Variants in POU6F2 observed in about 807,000 individuals in gnomAD.
The protein encoded by POU6F2 is POU class 6 homeobox 2.
Under a neutral mutation model 71.3 loss-of-function variants are expected in POU6F2, and 31 were observed. That is an observed-to-expected ratio of 0.43 (90% CI 0.33 to 0.59). The LOEUF (loss-of-function observed/expected upper bound fraction) is 0.59. Among genes scored for constraint, POU6F2 ranks in the 20% least tolerant of loss-of-function variants. POU6F2 has a pLI of 0.04. For synonymous variants in POU6F2, 347 were observed against 355.7 expected (o/e 0.98, Z 0.27); for missense variants, 783 against 856.8 (o/e 0.91, Z 1.07).
rs1788117330 is a variant in POU6F2 at position 39,432,178 on chromosome 7, T to A, written c.1114-899T>A. On this transcript the variant is annotated intron_variant, in intron 6 of 9. Coordinates refer to ENST00000518318, the MANE Select transcript of POU6F2 (RefSeq NM_001370959.1). ...GGTGCCTTTCTCCTTGGCACAGTAA[T>A]TGGATCTGGCCAGGCCCCTCCTGTG... Among the ~76,000 whole-genome samples the A allele has an allele frequency of 2.0e-5, 3 of 152,136 alleles. No individual in the cohort carries two copies. In the South Asian group the frequency reaches 6.2e-4, roughly 32 times the overall value.
At chr7:39,290,602 A>C (rs761674142) in intron 4 of POU6F2, among the ~76,000 whole-genome samples, 1 of 152,214 alleles carries the variant, frequency 6.6e-6, no homozygotes, top group Non-Finnish European at 1.5e-5. Context: ...GTAAATTTAA[A>C]TTAACTGAGA....
intron 1 of POU6F2, among the ~76,000 whole-genome samples, chr7:39,023,847 G>T (rs1789735409): frequency 6.6e-6 from 1 of 152,026 alleles, no homozygotes; most frequent in African/African-American, 2.4e-5. Flanking sequence ...AGAAACTGAA[G>T]CCAGAAAGGA....
chr7:39,436,575 CA>C (rs1788249162), intron 7 of POU6F2, among the ~76,000 whole-genome samples: 1 of 152,098 alleles, frequency 6.6e-6, no homozygotes, highest in African/African-American at 2.4e-5. Flanking sequence ...CAAGCAGAGA[CA>C]ATTTGACTTC....
chr7:39,129,616 A>AATAGATAT (rs946668418), intron 2 of POU6F2, among the ~76,000 whole-genome samples: 5 of 136,852 alleles, frequency 3.7e-5, no homozygotes, highest in Non-Finnish European at 6.3e-5. Context: ...GCTGAGAGAC[A>AATAGATAT]ATAGATATAT....
chr7:39,206,387 T>C (rs1794012496), intron 3 of POU6F2, among the ~76,000 whole-genome samples: 1 of 152,216 alleles, frequency 6.6e-6, no homozygotes, highest in South Asian at 2.1e-4. Flanking sequence ...GTTCCATCCA[T>C]AGTGGATGTA....
At chr7:39,207,812 G>GT (rs960489261) in intron 4 of POU6F2, among the ~76,000 whole-genome samples, 192 bp downstream of exon 4, 1 of 152,170 alleles carries the variant, frequency 6.6e-6, no homozygotes, top group African/African-American at 2.4e-5. Context: ...CAAGCCATTG[G>GT]TTTTATCAAT....
At chr7:39,342,067 A>T (rs535735685) in intron 5 of POU6F2, among the ~76,000 whole-genome samples, 6 of 152,348 alleles carry the variant, frequency 3.9e-5, no homozygotes, top group African/African-American at 1.2e-4. Flanking sequence ...TAAACTTAAT[A>T]AATATGTTTA....
chr7:39,454,655 GATATATATATATATATATATATAT>G (rs70977474), intron 8 of POU6F2, among the ~76,000 whole-genome samples: 909 of 63,266 alleles, frequency 0.014, 90 homozygotes, highest in East Asian at 0.024. Flanking sequence ...GAAGACCAGG[GATATATATATATATATATATATAT>G]ATATATATAT....
chr7:39,189,052 T>G (rs1389168405), intron 2 of POU6F2, among the ~76,000 whole-genome samples: 2 of 152,238 alleles, frequency 1.3e-5, no homozygotes, highest in African/African-American at 4.8e-5. Flanking sequence ...AAATGAACCT[T>G]GTACTCTTTA....
intron 5 of POU6F2, among the ~76,000 whole-genome samples, chr7:39,369,610 C>T (rs1023063095): frequency 6.6e-6 from 1 of 152,090 alleles, no homozygotes; most frequent in African/African-American, 2.4e-5. Flanking sequence ...GGGATCTGCC[C>T]TCCTTGGCCT....
intron 8 of POU6F2, among the ~76,000 whole-genome samples, chr7:39,458,943 C>T (rs1293602993): frequency 6.6e-5 from 10 of 152,140 alleles, no homozygotes; most frequent in Admixed American, 6.5e-4. Flanking sequence ...ATCCTCCCTC[C>T]TCTCCACTCT....
intron 7 of POU6F2, among the ~76,000 whole-genome samples, chr7:39,449,219 G>A (rs1583613216): frequency 6.6e-6 from 1 of 152,302 alleles, no homozygotes; most frequent in African/African-American, 2.4e-5. Context: ...CTCATGTTCA[G>A]CAGCCACATA....
intron 1 of POU6F2, 68 bp from the exon 2 acceptor site, chr7:39,085,792 A>G: frequency 6.8e-7 from 1 of 1,477,472 alleles, no homozygotes; most frequent in East Asian, 2.4e-5. Context: ...GGAGAGGGAG[A>G]GAGAGGACAC....
At chr7:39,090,090 G>A (rs1791334387) in intron 2 of POU6F2, among the ~76,000 whole-genome samples, 1 of 151,886 alleles carries the variant, frequency 6.6e-6, no homozygotes, top group South Asian at 2.1e-4. Context: ...TTCTGATATT[G>A]TGCTTTCCTA....
chr7:39,109,578 G>T (rs558377787), intron 2 of POU6F2, among the ~76,000 whole-genome samples: 99 of 152,226 alleles, frequency 6.5e-4, no homozygotes, highest in African/African-American at 2.1e-3. Context: ...TCTTAAGTTA[G>T]TCCTGGTGTA....
chr7:39,439,798 T>C (rs1788347561), intron 7 of POU6F2, among the ~76,000 whole-genome samples: 1 of 152,166 alleles, frequency 6.6e-6, no homozygotes, highest in Admixed American at 6.5e-5. Context: ...CTTTTTGGTG[T>C]GTTTTTGCAG....
At chr7:39,213,427 T>C (rs1197252713) in intron 4 of POU6F2, among the ~76,000 whole-genome samples, 1 of 152,220 alleles carries the variant, frequency 6.6e-6, no homozygotes, top group Non-Finnish European at 1.5e-5. Flanking sequence ...ATCCTTTACA[T>C]ACAAGAAAAT....
At chr7:39,148,896 T>C (rs771946316) in intron 2 of POU6F2, among the ~76,000 whole-genome samples, 10 of 152,204 alleles carry the variant, frequency 6.6e-5, no homozygotes, top group Non-Finnish European at 1.2e-4. Context: ...CTGTGGATAC[T>C]GACATGTAAA....
intron 2 of POU6F2, among the ~76,000 whole-genome samples, chr7:39,202,450 A>C (rs1793923603): frequency 6.6e-6 from 1 of 152,256 alleles, no homozygotes. Flanking sequence ...ATGGGAAAAC[A>C]ACCAAATTTT....
Sources: allele counts gnomAD v4.1 joint callset (sites outside exome capture counted in the v4.1 genomes callset), GRCh38; gene constraint gnomAD v4.1.1; transcripts MANE v1.5; gene names NCBI Gene and HGNC (gene_info 2026-07-23, HGNC 2026-07-21).